Variants in PPME1 observed in about 807,000 individuals in gnomAD.
PPME1 encodes protein phosphatase methylesterase 1.
Under a neutral mutation model 56.9 loss-of-function variants are expected in PPME1, and 17 were observed. That is an observed-to-expected ratio of 0.30 (90% CI 0.20 to 0.45). The LOEUF (loss-of-function observed/expected upper bound fraction) is 0.45, where lower values mean the gene tolerates loss of function less well. Ranked by LOEUF, PPME1 falls within the 20% of genes least tolerant of loss-of-function variation. The pLI is 1.00. For missense variants in PPME1, 357 were observed against 483.2 expected (o/e 0.74, Z 2.45); for synonymous variants, 122 against 156.2 (o/e 0.78, Z 1.63).
At chr11:74,246,045 G>A (rs377271302) in intron 9 of PPME1, 31 bp from the exon 10 acceptor site, 25 of 1,566,326 alleles carry the variant, frequency 1.6e-5, no homozygotes, top group Middle Eastern at 3.3e-4. Context: ...GGTTGCCCTC[G>A]GAGACTCAGA....
chr11:74,251,281 A>G (rs1292618794), intron 12 of PPME1: 9 of 1,363,188 alleles, frequency 6.6e-6, no homozygotes, highest in Non-Finnish European at 7.5e-6. Flanking sequence ...TACTTCTCCA[A>G]TACCCCCAAA....
intron 3 of PPME1, among the ~76,000 whole-genome samples, chr11:74,214,397 T>G (rs1437133038): frequency 6.6e-6 from 1 of 152,116 alleles, no homozygotes; most frequent in Non-Finnish European, 1.5e-5. Flanking sequence ...GAGATTGGCA[T>G]AGAAAATTTA....
At chr11:74,213,135 G>T (rs1280301614) in intron 3 of PPME1, among the ~76,000 whole-genome samples, 1 of 152,166 alleles carries the variant, frequency 6.6e-6, no homozygotes, top group African/African-American at 2.4e-5. Flanking sequence ...AGGCCTGACA[G>T]CATTCACCAT....
At position 74,230,779 on chromosome 11, in the gene PPME1, G is replaced by A; in HGVS notation, c.554-133G>A. 1.4e-6 allele frequency: 1 copy of A among 732,108 alleles called. No individual in the cohort carries two copies. The highest frequency in any genetic ancestry group is 2.3e-6 in the Non-Finnish European group (1 of 440,864). 45.4% of individuals were successfully genotyped at this position (732,108 alleles called of 1,614,324 possible). ...TACCCCAGAGGCAAAAATTATTGAG[G>A]GCCATCTTTATTTCTCTGCGAGCAT... On this transcript the variant is annotated intron_variant, in intron 6 of 13. Coordinates refer to ENST00000328257, the MANE Select transcript of PPME1 (RefSeq NM_016147.3). The surrounding 1 kb of genome is among the most constrained non-coding windows in gnomAD (Gnocchi z 4.9).
chr11:74,213,922 G>A (rs1858548185), intron 3 of PPME1, among the ~76,000 whole-genome samples: 1 of 152,200 alleles, frequency 6.6e-6, no homozygotes, highest in Non-Finnish European at 1.5e-5. Context: ...ACTCTTCAAT[G>A]CCCAGTCACT....
rs562489307 is a variant in PPME1, at chr11:74,219,102, A to G, written c.289-3210A>G. On this transcript the variant is annotated intron_variant, in intron 3 of 13. Coordinates refer to ENST00000328257, the MANE Select transcript of PPME1 (RefSeq NM_016147.3). Reference sequence around the variant, plus strand: ...CTGAATAGATATTTCTCAAAGGAATATATTCATATGGCAGACACGCATATG... The same window carrying G: ...CTGAATAGATATTTCTCAAAGGAATGTATTCATATGGCAGACACGCATATG... Among the ~76,000 whole-genome samples, 5 of 152,326 alleles carry G rather than the reference A, an allele frequency of 3.3e-5. No homozygotes were observed. The South Asian group carries it at 1.0e-3, about 32-fold the overall frequency.
chr11:74,188,630 A>G (rs938846887), intron 1 of PPME1, among the ~76,000 whole-genome samples: 2 of 152,212 alleles, frequency 1.3e-5, no homozygotes, highest in Admixed American at 1.3e-4. Flanking sequence ...TTGGTTCCTA[A>G]TGACATTAAC....
intron 4 of PPME1, among the ~76,000 whole-genome samples, chr11:74,223,884 T>G (rs1325132322): frequency 2.0e-5 from 3 of 149,778 alleles, no homozygotes; most frequent in East Asian, 2.0e-4. Flanking sequence ...TTTCTCCCAT[T>G]TTGTAGGTTG....
chr11:74,204,460 G>A lies in PPME1; in HGVS notation c.288+15G>A. On this transcript the variant is annotated intron_variant, in intron 3 of 13. Coordinates refer to ENST00000328257, the MANE Select transcript of PPME1 (RefSeq NM_016147.3). ...CTGTGTTCACGGTAAGTAGGTTGTT[G>A]ATAGTACAAGTTAATGTTAGCACTT... 1 of 1,583,968 alleles carries A rather than the reference G, an allele frequency of 6.3e-7. No individual in the cohort carries two copies. Among genetic ancestry groups the A allele is most frequent in the South Asian group, 1.1e-5 (1 of 89,716 alleles).
At chr11:74,207,334 G>A (rs1858353612) in intron 3 of PPME1, among the ~76,000 whole-genome samples, 1 of 152,116 alleles carries the variant, frequency 6.6e-6, no homozygotes, top group Non-Finnish European at 1.5e-5. Flanking sequence ...GTTTGGGAGG[G>A]AAAATCCCCC....
chr11:74,176,037 T>C (rs57002848), intron 1 of PPME1, among the ~76,000 whole-genome samples: 4,697 of 152,306 alleles, frequency 0.031, 222 homozygotes, highest in African/African-American at 0.1. Flanking sequence ...TTCTTATCTC[T>C]AAAATGAGAA....
At chr11:74,204,208 T>C in intron 2 of PPME1, 145 bp from the exon 3 acceptor site, 1 of 592,660 alleles carries the variant, frequency 1.7e-6, no homozygotes, top group Non-Finnish European at 2.9e-6. Context: ...AACAGAGGGT[T>C]AGTGTCTCAG....
chr11:74,190,844 TGAG>T (rs1225077713), intron 1 of PPME1, among the ~76,000 whole-genome samples: 2 of 152,114 alleles, frequency 1.3e-5, no homozygotes, highest in African/African-American at 4.8e-5. Context: ...CAGATGGAAA[TGAG>T]GAGTTTATTG....
intron 1 of PPME1, among the ~76,000 whole-genome samples, chr11:74,194,529 C>T (rs770645245): frequency 2.6e-5 from 4 of 151,596 alleles, no homozygotes; most frequent in East Asian, 1.9e-4. Context: ...TTAAGAAGAA[C>T]GAATGACTAT....
Position 74,230,854 on chromosome 11 carries a change from A to G in PPME1, c.554-58A>G, listed in dbSNP as rs1859047460. The G allele has an allele frequency of 8.0e-7, 1 of 1,245,458 alleles. No homozygotes were observed. 77.2% of individuals were successfully genotyped at this position (1,245,458 alleles called of 1,614,324 possible). ...GCAGATATATAGTAGTTGACTCAGT[A>G]AGTGTAAATGCTCAGAATAAGTTAA... is the stretch of plus-strand genomic sequence containing the variant. On this transcript the variant is annotated intron_variant, in intron 6 of 13. Transcript: ENST00000328257. This position sits in a 1 kb window ranked among gnomAD's most constrained non-coding sequence, Gnocchi z 4.9.
At chr11:74,232,983 G>T (rs971100989) in intron 7 of PPME1, among the ~76,000 whole-genome samples, 11 of 148,534 alleles carry the variant, frequency 7.4e-5, no homozygotes, top group East Asian at 2.0e-4. Flanking sequence ...TGGGATAAAT[G>T]GGTATGAGCC....
At chr11:74,214,124 ATAAAT>A (rs1858555146) in intron 3 of PPME1, among the ~76,000 whole-genome samples, 3 of 152,236 alleles carry the variant, frequency 2.0e-5, no homozygotes, top group Admixed American at 2.0e-4. Context: ...TTATCTATAG[ATAAAT>A]TTAACAAAGC....
chr11:74,178,912 GTT>G (rs200830859), intron 1 of PPME1, among the ~76,000 whole-genome samples: 2 of 142,838 alleles, frequency 1.4e-5, no homozygotes. Flanking sequence ...CTACAAAATA[GTT>G]TTTTTTTTTT....
At chr11:74,252,682 A>C in intron 13 of PPME1, 1 of 360,526 alleles carries the variant, frequency 2.8e-6, no homozygotes, top group Non-Finnish European at 5.6e-6. Context: ...TAACAGTAGT[A>C]CCCCTCCCAC....
Sources: allele counts gnomAD v4.1 joint callset (sites outside exome capture counted in the v4.1 genomes callset), GRCh38; gene constraint gnomAD v4.1.1; non-coding constraint Gnocchi (gnomAD v3.1); transcripts MANE v1.5; gene names NCBI Gene and HGNC (gene_info 2026-07-23, HGNC 2026-07-21).